Variants in KAT7 observed in about 807,000 individuals in gnomAD.
The protein encoded by KAT7 is lysine acetyltransferase 7, also known as histone acetyltransferase KAT7.
In KAT7, 10 loss-of-function variants were observed where a neutral mutation model predicts 82.1. The observed-to-expected ratio is 0.12, with a 90% confidence interval of 0.08 to 0.21. The LOEUF (loss-of-function observed/expected upper bound fraction) is 0.21. Among genes scored for constraint, KAT7 ranks in the 10% least tolerant of loss-of-function variants. KAT7 has a pLI of 1.00. For missense variants in KAT7, 378 were observed against 760.9 expected (o/e 0.50, Z 5.92); for synonymous variants, 250 against 262.5 (o/e 0.95, Z 0.46).
At chr17:49,788,888 A>C (rs773836637) in intron 1 of KAT7, 39 bp downstream of exon 1, 1 of 1,552,676 alleles carries the variant, frequency 6.4e-7, no homozygotes, top group Non-Finnish European at 8.7e-7. Context: ...GTTTCTAAGG[A>C]CAGTCGATTG....
chr17:49,809,047 T>C, intron 5 of KAT7, 72 bp from the exon 6 acceptor site: 1 of 1,154,886 alleles, frequency 8.7e-7, no homozygotes, highest in Non-Finnish European at 1.3e-6. Context: ...GGCATTATCA[T>C]TGTATTCTTA....
chr17:49,812,960 C>T (rs59814289), intron 7 of KAT7, among the ~76,000 whole-genome samples: 27,228 of 150,072 alleles, frequency 0.18, 2,847 homozygotes, highest in East Asian at 0.48. Flanking sequence ...CTCGGCCTCC[C>T]GAAGTGCTGG....
intron 4 of KAT7, 30 bp downstream of exon 4, chr17:49,798,588 T>A: frequency 6.4e-7 from 1 of 1,569,952 alleles, no homozygotes; most frequent in Non-Finnish European, 8.7e-7. Flanking sequence ...ATGACATCCT[T>A]TGTTCTGTGG....
In KAT7 at chr17:49,796,885, C is replaced by G; in HGVS notation, c.299C>G (p.Ser100Cys). The G allele has an allele frequency of 1.2e-6, 2 of 1,614,144 alleles. No individual in the cohort carries two copies. The highest frequency in any genetic ancestry group is 1.1e-5 in the South Asian group (1 of 91,074). The change falls in exon 3 of 15, where the codon TCT (serine) becomes TGT (cysteine). Residue 100 changes from serine to cysteine, a missense_variant. Ser to Cys is a moderately radical substitution (Grantham distance 112, BLOSUM62 -1). Coordinates refer to ENST00000259021, the MANE Select transcript of KAT7 (RefSeq NM_007067.5). ...TACCCTCTTCGGCAGACTCGTTCAT[C>G]TGGTTCAGAAACTGAGCAAGTGGTT... ...KKYPLRQTRSSGSETEQVVDF... is the reference protein window; with the variant it reads ...KKYPLRQTRSCGSETEQVVDF...
Position 49,826,736 on chromosome 17 carries a change from C to T in KAT7, c.1671C>T (p.Ser557=). ...ETAVNPVDIV[S]TLQALQMLKY... ...CTGTGAATCCTGTGGACATTGTCAGCACTCTGCAAGCCCTTCAGATGCTCA... is the reference window on the plus strand; with the variant it reads ...CTGTGAATCCTGTGGACATTGTCAGTACTCTGCAAGCCCTTCAGATGCTCA... Residue 557 remains serine (S), a synonymous_variant, in exon 14 of 15, where the codon AGC becomes AGT. Coordinates refer to ENST00000259021, the MANE Select transcript of KAT7 (RefSeq NM_007067.5). 1 of 1,612,090 alleles carries T rather than the reference C, an allele frequency of 6.2e-7. No individual in the cohort carries two copies. The highest frequency in any genetic ancestry group is 8.5e-7 in the Non-Finnish European group (1 of 1,179,572).
chr17:49,830,370 G>A lies in KAT7; in HGVS notation c.*2868G>A, dbSNP rs1171896866. 6.6e-6 allele frequency: 1 copy of A among 151,432 alleles called. No individual in the cohort carries two copies. The highest frequency in any genetic ancestry group is 1.5e-5 in the Non-Finnish European group (1 of 67,898). 9.4% of individuals were successfully genotyped at this position (151,432 alleles called of 1,614,324 possible). A position where few individuals can be genotyped will look rare whatever the true frequency, so the allele number is the denominator to read the frequency against. On this transcript the variant is annotated 3_prime_UTR_variant, in exon 15 of 15. Transcript: ENST00000259021. Reference sequence around the variant, plus strand: ...CACCTGGCTAATTTTTGTATGTTTAGTAGAGACAGGGTTTTGCCATGTTGG... The same window carrying A: ...CACCTGGCTAATTTTTGTATGTTTAATAGAGACAGGGTTTTGCCATGTTGG...
chr17:49,805,311 A>G lies in KAT7; in HGVS notation c.581-52A>G, dbSNP rs1252290465. On this transcript the variant is annotated intron_variant, in intron 4 of 14. Transcript: ENST00000259021. Reference sequence around the variant, plus strand: ...CAGGTTTGTCTTAGAGAAACATACTACTTTCTAAGCTTGTCTTCTTTCTTG... The same window carrying G: ...CAGGTTTGTCTTAGAGAAACATACTGCTTTCTAAGCTTGTCTTCTTTCTTG... 4.8e-6 allele frequency: 6 copies of G among 1,252,058 alleles called. No individual in the cohort carries two copies. The African/African-American group carries it at 7.4e-5, about 15-fold the overall frequency. The allele number at this position is 1,252,058 out of a possible 1,614,324, so 77.6% of individuals were successfully genotyped here.
chr17:49,816,303 C>G (rs2074234251), intron 8 of KAT7, among the ~76,000 whole-genome samples: 1 of 152,138 alleles, frequency 6.6e-6, no homozygotes, highest in Admixed American at 6.5e-5. Context: ...GCTAGGTTTC[C>G]TCTGCACTAA....
chr17:49,799,724 C>T (rs2073999225), intron 4 of KAT7, among the ~76,000 whole-genome samples: 1 of 152,086 alleles, frequency 6.6e-6, no homozygotes, highest in East Asian at 1.9e-4. Flanking sequence ...GGTGCAGTGG[C>T]ATGATCATAG....
chr17:49,821,232 C>CGGTAG (rs2074299618), intron 9 of KAT7, 105 bp from the exon 10 acceptor site: 1 of 749,704 alleles, frequency 1.3e-6, no homozygotes, highest in Non-Finnish European at 2.2e-6. Context: ...TCCAACTGTC[C>CGGTAG]GGTAGCTCAG....
At chr17:49,823,071 G>T (rs1248573074) in intron 11 of KAT7, 131 bp from the exon 12 acceptor site, 4 of 622,062 alleles carry the variant, frequency 6.4e-6, no homozygotes, top group African/African-American at 1.8e-5. Flanking sequence ...ACAGCTGTGA[G>T]CCTGGCAGCC....
chr17:49,805,274 G>A (rs1353475738), intron 4 of KAT7, 89 bp from the exon 5 acceptor site: 6 of 840,258 alleles, frequency 7.1e-6, no homozygotes, highest in Non-Finnish European at 1.0e-5. Flanking sequence ...TAAAAATGAT[G>A]TAGCAAAAAA....
At position 49,826,755 on chromosome 17, in the gene KAT7, A is replaced by T; in HGVS notation, c.1690A>T (p.Met564Leu). 1 of 1,612,472 alleles carries T rather than the reference A, an allele frequency of 6.2e-7. No individual in the cohort carries two copies. The highest frequency in any genetic ancestry group is 8.5e-7 in the Non-Finnish European group (1 of 1,179,448). The change falls in exon 14 of 15, where the codon ATG becomes TTG. Residue 564 changes from methionine (M) to leucine (L), a missense_variant. Around this residue, in one of 6 missense-constraint regions of KAT7, gnomAD observed 44 missense variants for 102.2 expected, o/e 0.43. Transcript: ENST00000259021. ...TGTCAGCACTCTGCAAGCCCTTCAG[A>T]TGCTCAAATACTGGAAGGGAAAACA... ...DIVSTLQALQMLKYWKGKHLV... is the reference protein window; with the variant it reads ...DIVSTLQALQLLKYWKGKHLV...
chr17:49,825,845 A>G (rs1019783059), intron 12 of KAT7, among the ~76,000 whole-genome samples, 155 bp from the exon 13 acceptor site: 8 of 152,224 alleles, frequency 5.3e-5, no homozygotes, highest in African/African-American at 9.6e-5. Context: ...CAAAGGCAGT[A>G]TACTATAGTT....
At chr17:49,818,742 G>GTTT (rs57232662) in intron 9 of KAT7, among the ~76,000 whole-genome samples, 1 of 142,164 alleles carries the variant, frequency 7.0e-6, no homozygotes, top group Non-Finnish European at 1.5e-5. Flanking sequence ...ACTTTTTCTT[G>GTTT]TTTTTTTTTT....
At chr17:49,796,675 C>T (rs1199696081) in intron 2 of KAT7, 75 bp from the exon 3 acceptor site, 2 of 1,184,470 alleles carry the variant, frequency 1.7e-6, no homozygotes, top group Non-Finnish European at 2.4e-6. Context: ...GAGCGATATT[C>T]TGATAAATTA....
At chr17:49,824,478 G>A (rs1041789572) in intron 12 of KAT7, 3 of 152,236 alleles carry the variant, frequency 2.0e-5, no homozygotes. Flanking sequence ...TACTGCCTCA[G>A]CCTCACGAGT....
rs767380786 is a variant in KAT7, at chr17:49,826,689, T to A, written c.1628-4T>A. ...CCAGGTTGTCAGTACTTCTTCTGTT[T>A]CAGAAATCAGTCAGGAGACGGCTGT... On this transcript the variant is annotated splice_polypyrimidine_tract_variant and splice_region_variant and intron_variant, in intron 13 of 14. Coordinates refer to ENST00000259021, the MANE Select transcript of KAT7 (RefSeq NM_007067.5). 2.0e-5 allele frequency: 32 copies of A among 1,607,744 alleles called. No homozygotes were observed. Among genetic ancestry groups the A allele is most frequent in the Middle Eastern group, 2.2e-4 (1 of 4,454 alleles).
chr17:49,806,600 C>CT (rs1480816506), intron 5 of KAT7, among the ~76,000 whole-genome samples: 2 of 152,250 alleles, frequency 1.3e-5, no homozygotes, highest in East Asian at 3.9e-4. Flanking sequence ...GCGATCCCTG[C>CT]TTTTTGAGAG....
Sources: gnomAD v4.1 joint callset for allele counts (sites outside exome capture counted in the v4.1 genomes callset) on GRCh38, gnomAD v4.1.1 for gene constraint, gnomAD v4.1.1 regional missense constraint, MANE v1.5 for transcripts, NCBI Gene and HGNC (gene_info 2026-07-23, HGNC 2026-07-21) for gene names.